Variants in DLG1 observed in about 807,000 individuals in gnomAD.
DLG1 encodes the protein disks large homolog 1.
Under a neutral mutation model 123.4 loss-of-function variants are expected in DLG1, and 42 were observed. That is an observed-to-expected ratio of 0.34 (90% CI 0.27 to 0.44). The LOEUF is 0.44. DLG1 is among the 20% of genes least tolerant of loss of function. The pLI is 1.00. For missense variants in DLG1, 942 were observed against 1,082.6 expected (o/e 0.87, Z 1.82); for synonymous variants, 317 against 356.2 (o/e 0.89, Z 1.24).
intron 4 of DLG1, among the ~76,000 whole-genome samples, chr3:197,196,065 C>T (rs1361508817): frequency 6.7e-6 from 1 of 150,202 alleles, no homozygotes; most frequent in Non-Finnish European, 1.5e-5. Flanking sequence ...GTTTTCACTC[C>T]TTGATCCAGT....
At chr3:197,082,084 AT>A (rs1266691681) in intron 16 of DLG1, among the ~76,000 whole-genome samples, 1 of 152,172 alleles carries the variant, frequency 6.6e-6, no homozygotes, top group African/African-American at 2.4e-5. Context: ...TAAATTTTAA[AT>A]TTAAGTCTTG....
chr3:197,263,240 G>C (rs1428195598), intron 4 of DLG1, among the ~76,000 whole-genome samples: 1 of 152,170 alleles, frequency 6.6e-6, no homozygotes, highest in Non-Finnish European at 1.5e-5. Flanking sequence ...AGCCCAGAGA[G>C]GGCAGGCATC....
intron 4 of DLG1, among the ~76,000 whole-genome samples, chr3:197,213,183 G>C (rs1246439687): frequency 6.6e-6 from 1 of 152,134 alleles, no homozygotes; most frequent in African/African-American, 2.4e-5. Flanking sequence ...TCAACAGATA[G>C]GAATAAACAA....
At chr3:197,087,649 C>T (rs1276010234) in intron 15 of DLG1, among the ~76,000 whole-genome samples, 4 of 152,132 alleles carry the variant, frequency 2.6e-5, no homozygotes, top group African/African-American at 9.7e-5. Flanking sequence ...GATTTTAACA[C>T]ATTTCTGGAT....
chr3:197,266,943 A>C (rs1223380971), intron 4 of DLG1, among the ~76,000 whole-genome samples: 2 of 152,302 alleles, frequency 1.3e-5, no homozygotes, highest in South Asian at 2.1e-4. Flanking sequence ...AAAAACTATA[A>C]ACCCACAGAT....
At chr3:197,074,082 T>C (rs926871980) in intron 18 of DLG1, among the ~76,000 whole-genome samples, 1 of 152,172 alleles carries the variant, frequency 6.6e-6, no homozygotes, top group African/African-American at 2.4e-5. Context: ...TACATAATCA[T>C]GGGCACCTTG....
chr3:197,072,774 C>T (rs528024640), intron 18 of DLG1, among the ~76,000 whole-genome samples: 2 of 152,128 alleles, frequency 1.3e-5, no homozygotes, highest in East Asian at 1.9e-4. Context: ...CTTACTGCAA[C>T]CTTCACCTCC....
chr3:197,265,580 G>A (rs1761336210), intron 4 of DLG1, among the ~76,000 whole-genome samples: 1 of 152,190 alleles, frequency 6.6e-6, no homozygotes, highest in Non-Finnish European at 1.5e-5. Flanking sequence ...CGAGTCTTCA[G>A]ATTAGTTTTG....
intron 18 of DLG1, among the ~76,000 whole-genome samples, chr3:197,073,493 A>G (rs891819497): frequency 5.3e-5 from 8 of 152,342 alleles, no homozygotes; most frequent in Admixed American, 3.9e-4. Context: ...CCCTTAAAGC[A>G]TGAAAGCGGC....
rs1241629571 is a variant in DLG1, at chr3:197,297,186, C to G, written c.19G>C (p.Asp7His). Residue 7 changes from aspartate (D) to histidine (H), a missense_variant and splice_region_variant, in exon 2 of 25, where the codon GAT becomes CAT. By Grantham distance (81) the Asp-to-His change is moderately conservative (BLOSUM62 -1). Transcript: ENST00000667157. MPVRKQ[D>H]TQRALHLLEE... ...ACAGAGTTACGGAATAAACTCTCAC[C>G]TTGCTTCCGGACCGGCATTTTTCTC... The G allele has an allele frequency of 6.2e-7, 1 of 1,614,012 alleles. No individual in the cohort carries two copies. Among genetic ancestry groups the G allele is most frequent in the Non-Finnish European group, 8.5e-7 (1 of 1,180,026 alleles).
At chr3:197,296,155 GA>G (rs1777257605) in intron 3 of DLG1, among the ~76,000 whole-genome samples, 190 bp downstream of exon 3, 2 of 152,304 alleles carry the variant, frequency 1.3e-5, no homozygotes, top group South Asian at 4.1e-4. Flanking sequence ...AAATAATCCT[GA>G]AAGTTTTTTG....
chr3:197,274,803 T>A (rs1765612749), intron 4 of DLG1, among the ~76,000 whole-genome samples: 2 of 152,144 alleles, frequency 1.3e-5, no homozygotes, highest in South Asian at 4.1e-4. Context: ...AATGATCAGA[T>A]TAGACATTTC....
At chr3:197,266,756 C>T (rs1469365806) in intron 4 of DLG1, among the ~76,000 whole-genome samples, 1 of 151,608 alleles carries the variant, frequency 6.6e-6, no homozygotes, top group Non-Finnish European at 1.5e-5. Context: ...ATAGCAACAG[C>T]AATTGTCTAA....
At chr3:197,242,820 T>C (rs4413294) in intron 4 of DLG1, among the ~76,000 whole-genome samples, 19,596 of 151,982 alleles carry the variant, frequency 0.13, 1,592 homozygotes, top group Admixed American at 0.19. Flanking sequence ...AAAGTAGAAA[T>C]AGGCTGGGCA....
chr3:197,229,109 T>A (rs939280483), intron 4 of DLG1, among the ~76,000 whole-genome samples: 1 of 152,086 alleles, frequency 6.6e-6, no homozygotes, highest in African/African-American at 2.4e-5. Context: ...CTACTAAACA[T>A]TTTATAACAA....
intron 4 of DLG1, among the ~76,000 whole-genome samples, chr3:197,232,432 C>T (rs1743680504): frequency 6.8e-6 from 1 of 147,280 alleles, no homozygotes; most frequent in Non-Finnish European, 1.5e-5. Context: ...AAAAAGAAAA[C>T]TATTATTTTA....
chr3:197,184,477 A>C (rs575342348), intron 5 of DLG1, among the ~76,000 whole-genome samples: 2 of 152,326 alleles, frequency 1.3e-5, no homozygotes, highest in African/African-American at 4.8e-5. Context: ...AAGTTGTTCA[A>C]AGGTGCTGCC....
chr3:197,108,633 T>C (rs1032755467), intron 13 of DLG1, among the ~76,000 whole-genome samples: 6 of 152,192 alleles, frequency 3.9e-5, no homozygotes, highest in African/African-American at 1.2e-4. Context: ...TTAGTAATAA[T>C]GTTTTTCTTC....
intron 4 of DLG1, among the ~76,000 whole-genome samples, chr3:197,229,645 G>A (rs759911619): frequency 6.6e-6 from 1 of 152,008 alleles, no homozygotes; most frequent in Non-Finnish European, 1.5e-5. Context: ...TAAATACTTA[G>A]ATAACAAATG....
Sources: gnomAD v4.1 joint callset for allele counts (sites outside exome capture counted in the v4.1 genomes callset) on GRCh38, gnomAD v4.1.1 for gene constraint, MANE v1.5 for transcripts, NCBI Gene and HGNC (gene_info 2026-07-23, HGNC 2026-07-21) for gene names.